Variants in WDR55 observed in about 807,000 individuals in gnomAD.
WDR55 encodes the protein WD repeat domain 55.
In WDR55, 31 loss-of-function variants were observed where a neutral mutation model predicts 34.0. The observed-to-expected ratio is 0.91, with a 90% confidence interval of 0.69 to 1.23. The LOEUF (loss-of-function observed/expected upper bound fraction) is 1.23, where lower values mean the gene tolerates loss of function less well. Ranked by LOEUF, WDR55 falls within the 50% of genes most tolerant of loss-of-function variation. WDR55 has a pLI of 0.00. For synonymous variants in WDR55, 164 were observed against 185.9 expected (o/e 0.88, Z 0.96); for missense variants, 440 against 494.6 (o/e 0.89, Z 1.05).
Position 140,669,668 on chromosome 5 carries a change from A to T in WDR55, c.*14A>T. The T allele has an allele frequency of 6.2e-7, 1 of 1,605,740 alleles. No homozygotes were observed. The highest frequency in any genetic ancestry group is 8.5e-7 in the Non-Finnish European group (1 of 1,174,688). On this transcript the variant is annotated 3_prime_UTR_variant, in exon 7 of 7. Coordinates refer to ENST00000358337, the MANE Select transcript of WDR55 (RefSeq NM_017706.5). ...GACAGTGACTGAAGGAATGAATTGA[A>T]TCTTGAGACGGGTCCTCACCAGGCA...
Position 140,672,211 on chromosome 5 carries a change from G to C in WDR55, c.*2557G>C. On this transcript the variant is annotated 3_prime_UTR_variant, in exon 7 of 7. Coordinates refer to ENST00000358337, the MANE Select transcript of WDR55 (RefSeq NM_017706.5). ...TCCTGTGCCTATTTTGCGGTGTGGG[G>C]GTGGGGGAAGGTTGAGAATTAAGTC... 1 of 591,798 alleles carries C rather than the reference G, an allele frequency of 1.7e-6. No homozygotes were observed. Among genetic ancestry groups the C allele is most frequent in the Non-Finnish European group, 3.0e-6 (1 of 334,128 alleles). The allele number at this position is 591,798 out of a possible 1,614,324, so 36.7% of individuals were successfully genotyped here.
At position 140,669,494 on chromosome 5, in the gene WDR55, T is replaced by C; in HGVS notation, c.992T>C (p.Val331Ala). 1 of 1,613,862 alleles carries C rather than the reference T, an allele frequency of 6.2e-7. No homozygotes were observed. The highest frequency in any genetic ancestry group is 8.5e-7 in the Non-Finnish European group (1 of 1,179,940). ...GACATGGCCCAGCTGCGAGCTGTGG[T>C]GGTGGATGACTACCGTCGGCGCAAA... The part of the protein sequence containing the change: ...FWDMAQLRAV[V>A]VDDYRRRKKK... Residue 331 changes from valine (V) to alanine (A), a missense_variant, in exon 7 of 7, where the codon GTG becomes GCG. By Grantham distance (64) the Val-to-Ala change is moderately conservative. Coordinates refer to ENST00000358337, the MANE Select transcript of WDR55 (RefSeq NM_017706.5).
At position 140,670,415 on chromosome 5, in the gene WDR55, C is replaced by G. The variant is rs1456571905; in HGVS notation, c.*761C>G. 6.8e-6 allele frequency: 1 copy of G among 146,426 alleles called. No individual in the cohort carries two copies. Among genetic ancestry groups the G allele is most frequent in the South Asian group, 2.1e-4 (1 of 4,710 alleles). 9.1% of individuals were successfully genotyped at this position (146,426 alleles called of 1,614,324 possible). ...CAGGGCTGGAGTGCAATGGCGTGAT[C>G]TTGGCTCACTGCAACCTCCGCCTCC... On this transcript the variant is annotated 3_prime_UTR_variant, in exon 7 of 7. Transcript: ENST00000358337.
Position 140,668,493 on chromosome 5 carries a change from A to G in WDR55, c.371A>G (p.Lys124Arg). 1 of 1,614,156 alleles carries G rather than the reference A, an allele frequency of 6.2e-7. No homozygotes were observed. The highest frequency in any genetic ancestry group is 8.5e-7 in the Non-Finnish European group (1 of 1,180,018). ...GGCCAACTGGAAAGACGTGTTTCCA[A>G]GGCTCATGGGTAAGGAGAGCAGCCA... ...EQGQLERRVSKAHGAPINSLL... is the reference protein window; with the variant it reads ...EQGQLERRVSRAHGAPINSLL... The change falls in exon 3 of 7, where the codon AAG becomes AGG. Residue 124 changes from lysine to arginine, a missense_variant. Transcript: ENST00000358337.
At chr5:140,665,877 T>C (rs1757909775) in intron 1 of WDR55, among the ~76,000 whole-genome samples, 1 of 151,712 alleles carries the variant, frequency 6.6e-6, no homozygotes, top group Non-Finnish European at 1.5e-5. Context: ...GGCGCGGGCC[T>C]GTAATCCCAG....
Position 140,669,666 on chromosome 5 carries a change from G to T in WDR55, c.*12G>T. 3 of 1,606,666 alleles carry T rather than the reference G, an allele frequency of 1.9e-6. No individual in the cohort carries two copies. Among genetic ancestry groups the T allele is most frequent in the Non-Finnish European group, 2.6e-6 (3 of 1,175,366 alleles). On this transcript the variant is annotated 3_prime_UTR_variant, in exon 7 of 7. Coordinates refer to ENST00000358337, the MANE Select transcript of WDR55 (RefSeq NM_017706.5). ...ATGACAGTGACTGAAGGAATGAATT[G>T]AATCTTGAGACGGGTCCTCACCAGG...
chr5:140,669,275 G>A (rs1581492286), intron 6 of WDR55, 27 bp downstream of exon 6: 1 of 1,613,214 alleles, frequency 6.2e-7, no homozygotes, highest in Non-Finnish European at 8.5e-7. Context: ...CAGCCCTTAG[G>A]TCACAGGAAG....
chr5:140,666,945 G>A (rs1453768702), intron 1 of WDR55: 4 of 985,300 alleles, frequency 4.1e-6, no homozygotes, highest in Admixed American at 1.2e-4. Flanking sequence ...AGTTGAAGAT[G>A]TTATGCTTAT....
rs781414939 is a variant in WDR55 at position 140,669,532 on chromosome 5, C to T, written c.1030C>T (p.Pro344Ser). The T allele has an allele frequency of 5.0e-6, 8 of 1,613,904 alleles. No individual in the cohort carries two copies. The highest frequency in any genetic ancestry group is 1.3e-5 in the African/African-American group (1 of 74,904). The change falls in exon 7 of 7, where the codon CCA (proline) becomes TCA (serine). Residue 344 changes from proline (P) to serine (S), a missense_variant. Transcript: ENST00000358337. ...CCGTCGGCGCAAAAAAAAGGGAGGA[C>T]CACTGCGGGCTCTGAGCAGCAAGAC... ...DYRRRKKKGG[P>S]LRALSSKTWS...
Position 140,668,704 on chromosome 5 carries a change from A to T in WDR55, c.473A>T (p.Glu158Val), listed in dbSNP as rs762932404. 6 of 1,614,040 alleles carry T rather than the reference A, an allele frequency of 3.7e-6. No individual in the cohort carries two copies. In the African/African-American group the frequency reaches 8.0e-5, roughly 22 times the overall value. The change falls in exon 4 of 7, where the codon GAG becomes GTG. Residue 158 changes from glutamate to valine, a missense_variant. By Grantham distance (121) the Glu-to-Val change is moderately radical (BLOSUM62 -2). Transcript: ENST00000358337. ...GGICLWDQRK[E>V]GPLMDMRQHE... ...ATCTGTCTCTGGGACCAGCGGAAGG[A>T]GGGCCCCTTAATGGATATGAGGCAA...
chr5:140,669,851 C>T lies in WDR55; in HGVS notation c.*197C>T, dbSNP rs1758029317. 1 of 605,520 alleles carries T rather than the reference C, an allele frequency of 1.7e-6. No homozygotes were observed. Among genetic ancestry groups the T allele is most frequent in the Non-Finnish European group, 2.9e-6 (1 of 347,756 alleles). The allele number at this position is 605,520 out of a possible 1,614,324, so 37.5% of individuals were successfully genotyped here. On this transcript the variant is annotated 3_prime_UTR_variant, in exon 7 of 7. Coordinates refer to ENST00000358337, the MANE Select transcript of WDR55 (RefSeq NM_017706.5). ...TCAGATTGTCCTTCCACCTTAGCCT[C>T]TGGAGCAGCTGGGACTACAGGTGTG...
Position 140,668,507 on chromosome 5 carries a change from G to T in WDR55, c.380+5G>T, listed in dbSNP as rs758618498. 6.2e-7 allele frequency: 1 copy of T among 1,613,850 alleles called. No individual in the cohort carries two copies. The highest frequency in any genetic ancestry group is 1.3e-5 in the African/African-American group (1 of 74,936). The stretch of plus-strand genomic sequence containing the variant: ...ACGTGTTTCCAAGGCTCATGGGTAA[G>T]GAGAGCAGCCAATTCTGTGTATGTG... On this transcript the variant is annotated splice_donor_5th_base_variant and intron_variant, in intron 3 of 6. Transcript: ENST00000358337.
chr5:140,666,230 T>C (rs1329228279), intron 1 of WDR55, among the ~76,000 whole-genome samples: 8 of 151,712 alleles, frequency 5.3e-5, no homozygotes, highest in Non-Finnish European at 1.0e-4. Context: ...ATCCTGTCTC[T>C]ACTAAAAATA....
Position 140,671,330 on chromosome 5 carries a change from G to C in WDR55, c.*1676G>C, listed in dbSNP as rs780853297. ...CATGGTACCTGCCTCAGCCCCAGCA[G>C]ACCACAGGAGGTTGGCCCCAGACTC... On this transcript the variant is annotated 3_prime_UTR_variant, in exon 7 of 7. Transcript: ENST00000358337. 6.2e-7 allele frequency: 1 copy of C among 1,612,904 alleles called. No homozygotes were observed. Among genetic ancestry groups the C allele is most frequent in the Non-Finnish European group, 8.5e-7 (1 of 1,179,946 alleles).
chr5:140,666,892 T>C (rs1757937908), intron 1 of WDR55: 1 of 981,814 alleles, frequency 1.0e-6, no homozygotes, highest in Non-Finnish European at 1.2e-6. Flanking sequence ...GCTCAACACA[T>C]GTTTGATTTT....
rs147116308 is a variant in WDR55 at position 140,665,488 on chromosome 5, G to T, written c.191+385G>T. On this transcript the variant is annotated intron_variant, in intron 1 of 6. Coordinates refer to ENST00000358337, the MANE Select transcript of WDR55 (RefSeq NM_017706.5). ...GTTCTCTTCCTCAGCCTCCCGAGTA[G>T]CTGGGATTATAAGCGCCCGCCACCA... 3.5e-3 allele frequency among the ~76,000 whole-genome samples: 536 copies of T among 152,236 alleles called. 3 individuals are homozygous for T. The highest frequency in any genetic ancestry group is 0.012 in the African/African-American group (514 of 41,560).
intron 5 of WDR55, 25 bp downstream of exon 5, chr5:140,669,015 A>C (rs775358109): frequency 1.5e-5 from 24 of 1,613,846 alleles, no homozygotes; most frequent in Non-Finnish European, 2.0e-5. Flanking sequence ...GGTGGGATGG[A>C]GGGGTGTGTG....
rs1758037986 is a variant in WDR55 at position 140,670,167 on chromosome 5, A to G, written c.*513A>G. The G allele has an allele frequency of 6.5e-6, 1 of 153,778 alleles. No individual in the cohort carries two copies. The highest frequency in any genetic ancestry group is 1.4e-5 in the Non-Finnish European group (1 of 69,452). 9.5% of individuals were successfully genotyped at this position (153,778 alleles called of 1,614,324 possible). A position where few individuals can be genotyped will look rare whatever the true frequency, so the allele number is the denominator to read the frequency against. ...CAGCCTGCCTGGTAGCTGAGACTTA[A>G]CAGGCATCTGCCACCATGCTTGACT... is the stretch of plus-strand genomic sequence containing the variant. On this transcript the variant is annotated 3_prime_UTR_variant, in exon 7 of 7. Transcript: ENST00000358337.
chr5:140,668,678 TA>T lies in WDR55; in HGVS notation c.448del (p.Ile150SerfsTer12). On this transcript the variant is annotated frameshift_variant, in exon 4 of 7. Transcript: ENST00000358337. LOFTEE classifies it high-confidence loss of function. ...TGGCCACTGGGGATGACACAGGTGG[TA>T]TCTGTCTCTGGGACCAGCGGAAGGA... is the stretch of plus-strand genomic sequence containing the variant. ...VLATGDDTGG[I>X]CLWDQRKEGP... 1 of 1,614,188 alleles carries T rather than the reference TA, an allele frequency of 6.2e-7. No homozygotes were observed. Among genetic ancestry groups the T allele is most frequent in the Non-Finnish European group, 8.5e-7 (1 of 1,180,020 alleles).
Sources: gnomAD v4.1 joint callset for allele counts (sites outside exome capture counted in the v4.1 genomes callset) on GRCh38, gnomAD v4.1.1 for gene constraint, MANE v1.5 for transcripts, NCBI Gene and HGNC (gene_info 2026-07-23, HGNC 2026-07-21) for gene names.